CACNA1H: variants seen among roughly 807,000 people sequenced by gnomAD.
CACNA1H encodes calcium voltage-gated channel subunit alpha1 H, also known as voltage-dependent T-type calcium channel subunit alpha-1H.
Under a neutral mutation model 192.5 loss-of-function variants are expected in CACNA1H, and 149 were observed. The observed-to-expected ratio is 0.77, with a 90% CI of 0.68 to 0.89. CACNA1H has a LOEUF of 0.89. Ranked by LOEUF, CACNA1H falls within the 40% of genes least tolerant of loss-of-function variation. The probability of loss-of-function intolerance (pLI) is 0.00; values close to 1 mark genes in which losing one functional copy is unlikely to be tolerated. For missense variants in CACNA1H, 4,257 were observed against 3,423.5 expected (o/e 1.24, Z -6.08); for synonymous variants, 2,202 against 1,475.2 (o/e 1.49, Z -11.29).
intron 2 of CACNA1H, among the ~76,000 whole-genome samples, chr16:1,157,471 A>G (rs1346223476): frequency 6.6e-6 from 1 of 152,044 alleles, no homozygotes; most frequent in Non-Finnish European, 1.5e-5. Flanking sequence ...ACAGCCCTTC[A>G]TGGCATCTCT....
chr16:1,175,551 C>T (rs1051921631), intron 2 of CACNA1H, among the ~76,000 whole-genome samples: 1 of 152,224 alleles, frequency 6.6e-6, no homozygotes, highest in Admixed American at 6.5e-5. Context: ...AGGTCCCCGT[C>T]TGCTCGCCGT....
chr16:1,157,411 C>T (rs906398960), intron 2 of CACNA1H, among the ~76,000 whole-genome samples: 35 of 152,350 alleles, frequency 2.3e-4, no homozygotes, highest in African/African-American at 8.2e-4. Context: ...CTGAGGGCCA[C>T]GTGTTTGGCA....
At chr16:1,195,400 TC>T in intron 3 of CACNA1H, 31 bp from the exon 4 acceptor site, 2 of 1,550,110 alleles carry the variant, frequency 1.3e-6, no homozygotes, top group Non-Finnish European at 1.7e-6. Flanking sequence ...GCTGAGCTGT[TC>T]CACGGGCCCT....
intron 2 of CACNA1H, among the ~76,000 whole-genome samples, chr16:1,155,930 C>T (rs963399970): frequency 6.6e-6 from 1 of 152,042 alleles, no homozygotes; most frequent in African/African-American, 2.4e-5. Flanking sequence ...GGCTTTGTGA[C>T]CTGACAGGAG....
intron 5 of CACNA1H, among the ~76,000 whole-genome samples, chr16:1,198,332 C>T (rs577628267): frequency 4.6e-5 from 7 of 152,326 alleles, no homozygotes; most frequent in African/African-American, 1.7e-4. Context: ...AAGCAGCAGA[C>T]CTGCTGCCCT....
In CACNA1H at chr16:1,185,580, C is replaced by T. The variant is rs1197280293; in HGVS notation, c.300-9392C>T. Among the ~76,000 whole-genome samples, 13 of 57,764 alleles carry T rather than the reference C, an allele frequency of 2.3e-4. 1 individual carries two copies. The highest frequency in any genetic ancestry group is 1.3e-3 in the South Asian group (2 of 1,490). The allele number at this position is 57,764 out of a possible 152,430, so 37.9% of individuals were successfully genotyped here. ...CCTAGTGGGGCACGGGGGTCCATGGCGGGTGAGTAGACGGTCAGCGTGCGT... is the reference window on the plus strand; with the variant it reads ...CCTAGTGGGGCACGGGGGTCCATGGTGGGTGAGTAGACGGTCAGCGTGCGT... On this transcript the variant is annotated intron_variant, in intron 2 of 34. Coordinates refer to ENST00000348261, the MANE Select transcript of CACNA1H (RefSeq NM_021098.3).
intron 34 of CACNA1H, 39 bp downstream of exon 34, chr16:1,219,169 G>A: frequency 6.7e-7 from 1 of 1,483,530 alleles, no homozygotes; most frequent in Non-Finnish European, 9.0e-7. Context: ...GGCTGGCGGG[G>A]ATGGGGGGCT....
In CACNA1H at chr16:1,220,959, C is replaced by G. The variant is rs1299264132; in HGVS notation, c.7027C>G (p.Pro2343Ala). 4 of 1,605,040 alleles carry G rather than the reference C, an allele frequency of 2.5e-6. No homozygotes were observed. The highest frequency in any genetic ancestry group is 2.6e-6 in the Non-Finnish European group (3 of 1,175,604). The change falls in exon 35 of 35, where the codon CCT (proline) becomes GCT (alanine). Residue 2343 changes from proline to alanine, a missense_variant. Transcript: ENST00000348261. Reference sequence around the variant, plus strand: ...GAAACCAGGGTCCCCCTCAGCCACCCCTGCCCCAGGGGGTGGTGCAGATGA... The same window carrying G: ...GAAACCAGGGTCCCCCTCAGCCACCGCTGCCCCAGGGGGTGGTGCAGATGA... The part of the protein sequence containing the change: ...LEKPGSPSAT[P>A]APGGGADDPV
At chr16:1,185,500 G>GCCCCCCCCCC (rs772704160) in intron 2 of CACNA1H, among the ~76,000 whole-genome samples, 2 of 140,594 alleles carry the variant, frequency 1.4e-5, no homozygotes, top group African/African-American at 5.8e-5. Context: ...CATCTGCAGA[G>GCCCCCCCCCC]TCCCCCCCCC....
intron 30 of CACNA1H, among the ~76,000 whole-genome samples, chr16:1,216,266 C>T (rs1032684565): frequency 3.9e-5 from 6 of 152,262 alleles, no homozygotes; most frequent in African/African-American, 7.2e-5. Context: ...TCCCCACTCA[C>T]CCTGTCCTCA....
Position 1,207,711 on chromosome 16 carries a change from C to T in CACNA1H, c.3064-59C>T, listed in dbSNP as rs943552782. ...CAGGCCAGCCCAGACTTCTGTCCGGCATGAAGGGTCCCCACTCACGGGGCC... is the reference window on the plus strand; with the variant it reads ...CAGGCCAGCCCAGACTTCTGTCCGGTATGAAGGGTCCCCACTCACGGGGCC... On this transcript the variant is annotated intron_variant, in intron 14 of 34. Coordinates refer to ENST00000348261, the MANE Select transcript of CACNA1H (RefSeq NM_021098.3). 4.2e-6 allele frequency: 6 copies of T among 1,434,790 alleles called. No homozygotes were observed. In the African/African-American group the frequency reaches 8.5e-5, roughly 20 times the overall value. The allele number at this position is 1,434,790 out of a possible 1,614,324, so 88.9% of individuals were successfully genotyped here.
At chr16:1,193,768 C>A (rs1017783944) in intron 2 of CACNA1H, among the ~76,000 whole-genome samples, 11 of 152,190 alleles carry the variant, frequency 7.2e-5, no homozygotes, top group South Asian at 6.2e-4. Context: ...TGCTAGGAGG[C>A]TGGGCCCTGG....
chr16:1,171,734 C>T (rs1567451834), intron 2 of CACNA1H, among the ~76,000 whole-genome samples: 1 of 152,196 alleles, frequency 6.6e-6, no homozygotes, highest in Non-Finnish European at 1.5e-5. Context: ...TCCTGGAGTC[C>T]CTGGAGCTCT....
chr16:1,212,699 T>C lies in CACNA1H; in HGVS notation c.4777+171T>C, dbSNP rs1474848487. On this transcript the variant is annotated intron_variant, in intron 26 of 34. Coordinates refer to ENST00000348261, the MANE Select transcript of CACNA1H (RefSeq NM_021098.3). Reference sequence around the variant, plus strand: ...GCTCGCCCGCCAGTGTCCGGGCTGCTGTGTGCGTGCACGCGTGCGGCTCTG... The same window carrying C: ...GCTCGCCCGCCAGTGTCCGGGCTGCCGTGTGCGTGCACGCGTGCGGCTCTG... Among the ~76,000 whole-genome samples the C allele has an allele frequency of 2.6e-5, 4 of 152,268 alleles. No homozygotes were observed. The South Asian group carries it at 8.3e-4, about 31-fold the overall frequency.
chr16:1,211,177 C>T lies in CACNA1H; in HGVS notation c.4233C>T (p.Ser1411=), dbSNP rs1969401452. 1 of 1,612,800 alleles carries T rather than the reference C, an allele frequency of 6.2e-7. No homozygotes were observed. The highest frequency in any genetic ancestry group is 8.5e-7 in the Non-Finnish European group (1 of 1,179,744). Residue 1411 remains serine, a synonymous_variant, in exon 22 of 35, where the codon AGC becomes AGT. Transcript: ENST00000348261. ...CTTCACTCCCCTCCAGGGTCATCAG[C>T]CGGGCCCCGGGCCTCAAGCTGGTGG... ...LRTLRPLRVI[S]RAPGLKLVVE... is the part of the protein sequence containing the mutation.
rs1050619893 is a variant in CACNA1H at position 1,208,927 on chromosome 16, C to A, written c.3364-105C>A. The stretch of plus-strand genomic sequence containing the variant: ...ACCGTGCCTCCCTGGCGGGGCTATG[C>A]ATTAAATGATCCACGTGTGGCTTGC... On this transcript the variant is annotated intron_variant, in intron 16 of 34. Transcript: ENST00000348261. 20 of 1,201,394 alleles carry A rather than the reference C, an allele frequency of 1.7e-5. No homozygotes were observed. The African/African-American group carries it at 2.4e-4, about 14-fold the overall frequency. 74.4% of individuals were successfully genotyped at this position (1,201,394 alleles called of 1,614,324 possible).
At chr16:1,160,875 G>A (rs960300076) in intron 2 of CACNA1H, among the ~76,000 whole-genome samples, 3 of 152,138 alleles carry the variant, frequency 2.0e-5, no homozygotes, top group Non-Finnish European at 4.4e-5. Flanking sequence ...GGACGCCAGA[G>A]CACCCCATCC....
At chr16:1,194,122 G>A (rs948219237) in intron 2 of CACNA1H, among the ~76,000 whole-genome samples, 1 of 152,082 alleles carries the variant, frequency 6.6e-6, no homozygotes, top group Non-Finnish European at 1.5e-5. Context: ...TGGGAAGGGC[G>A]GCCCCCGAGA....
At chr16:1,170,558 G>C (rs1431526873) in intron 2 of CACNA1H, among the ~76,000 whole-genome samples, 1 of 152,204 alleles carries the variant, frequency 6.6e-6, no homozygotes, top group Non-Finnish European at 1.5e-5. Context: ...GTCAGCCTTG[G>C]GATTTTGGGG....
Sources: allele counts gnomAD v4.1 joint callset (sites outside exome capture counted in the v4.1 genomes callset), GRCh38; gene constraint gnomAD v4.1.1; transcripts MANE v1.5; gene names NCBI Gene and HGNC (gene_info 2026-07-23, HGNC 2026-07-21).